The following TBXAS1 variants were observed in gnomAD, a reference collection of about 807,000 sequenced individuals.
TBXAS1 encodes thromboxane-A synthase.
In TBXAS1, 48 loss-of-function variants were observed where a neutral mutation model predicts 60.7. The observed-to-expected ratio is 0.79, with a 90% CI of 0.63 to 1.01. The LOEUF is 1.01. Ranked by LOEUF, TBXAS1 falls within the 50% of genes least tolerant of loss-of-function variation. The pLI, the probability that TBXAS1 is intolerant of heterozygous loss-of-function variation, is 0.00. For synonymous variants in TBXAS1, 287 were observed against 269.7 expected (o/e 1.06, Z -0.63); for missense variants, 685 against 686.3 (o/e 1.00, Z 0.02).
intron 3 of TBXAS1, among the ~76,000 whole-genome samples, chr7:139,884,605 T>C (rs931063826): frequency 1.3e-5 from 2 of 152,000 alleles, no homozygotes; most frequent in Admixed American, 6.6e-5. Flanking sequence ...GGGCAGCGTT[T>C]AAAGAGTAAG....
chr7:140,014,903 T>G, intron 10 of TBXAS1, among the ~76,000 whole-genome samples: 1 of 75,022 alleles, frequency 1.3e-5, no homozygotes, highest in African/African-American at 8.1e-5. Flanking sequence ...AGCAAGACCC[T>G]GTCTCAAAAA....
rs112879260 is a variant in TBXAS1, at chr7:140,014,629, G to C, written c.1227-1094G>C. Reference sequence around the variant, plus strand: ...AGAATGGTAAAGATGATGGACACAGGCCAGGTGCAGTGGCTCATGCCTGTA... The same window carrying C: ...AGAATGGTAAAGATGATGGACACAGCCCAGGTGCAGTGGCTCATGCCTGTA... On this transcript the variant is annotated intron_variant, in intron 10 of 12. Transcript: ENST00000448866. 5.2e-3 allele frequency among the ~76,000 whole-genome samples: 790 copies of C among 152,222 alleles called. 8 individuals are homozygous for C. Among genetic ancestry groups the C allele is most frequent in the African/African-American group, 0.018 (753 of 41,528 alleles).
intron 4 of TBXAS1, among the ~76,000 whole-genome samples, chr7:139,929,156 G>A (rs896152214): frequency 3.9e-5 from 6 of 152,304 alleles, no homozygotes; most frequent in East Asian, 3.9e-4. Flanking sequence ...TTTTGGTGCC[G>A]CAAAAGAAAT....
chr7:139,789,275 G>C (rs927503387), intron 4 of TBXAS1: 2 of 148,732 alleles, frequency 1.3e-5, no homozygotes, highest in Admixed American at 1.3e-4. Context: ...GTCTTGCTCT[G>C]TTGCCCAGGC....
intron 9 of TBXAS1, among the ~76,000 whole-genome samples, chr7:139,996,273 G>T (rs1046070758): frequency 3.9e-5 from 6 of 151,964 alleles, no homozygotes; most frequent in African/African-American, 1.2e-4. Context: ...GCCATCAATG[G>T]TCTCTCTTAG....
chr7:139,814,308 A>T (rs533278243), intron 4 of TBXAS1, among the ~76,000 whole-genome samples: 1 of 152,182 alleles, frequency 6.6e-6, no homozygotes, highest in Non-Finnish European at 1.5e-5. Context: ...TGGGAAAATT[A>T]GCTGGCATGA....
chr7:139,888,248 T>C (rs1803268105), intron 3 of TBXAS1, among the ~76,000 whole-genome samples: 1 of 152,234 alleles, frequency 6.6e-6, no homozygotes, highest in South Asian at 2.1e-4. Context: ...ACAATTTATG[T>C]GTCTGCCTTT....
chr7:139,938,897 T>C (rs1478513821), intron 5 of TBXAS1, among the ~76,000 whole-genome samples: 4 of 152,206 alleles, frequency 2.6e-5, no homozygotes, highest in African/African-American at 9.7e-5. Context: ...TTTATCATGG[T>C]CTAGATTCCT....
At chr7:139,834,636 G>A (rs900383433) in intron 1 of TBXAS1, among the ~76,000 whole-genome samples, 2 of 152,062 alleles carry the variant, frequency 1.3e-5, no homozygotes, top group Admixed American at 6.5e-5. Flanking sequence ...GCAACAGGAG[G>A]TATTACAACT....
At chr7:139,901,747 C>A (rs1056115565) in intron 3 of TBXAS1, among the ~76,000 whole-genome samples, 1 of 151,942 alleles carries the variant, frequency 6.6e-6, no homozygotes, top group Non-Finnish European at 1.5e-5. Flanking sequence ...TTTTGACAAG[C>A]CCTCGAGGCT....
intron 8 of TBXAS1, 29 bp from the exon 9 acceptor site, chr7:139,961,890 A>C (rs1263340859): frequency 6.2e-7 from 1 of 1,614,128 alleles, no homozygotes; most frequent in Admixed American, 1.7e-5. Flanking sequence ...TAAGGTCAAA[A>C]TGTGCATTTT....
chr7:139,900,797 C>A (rs1231633419), intron 3 of TBXAS1, among the ~76,000 whole-genome samples: 1 of 152,214 alleles, frequency 6.6e-6, no homozygotes. Flanking sequence ...TTAATATATT[C>A]TCAGTTTAGC....
At chr7:139,958,128 G>A (rs764703995) in intron 8 of TBXAS1, among the ~76,000 whole-genome samples, 8 of 152,156 alleles carry the variant, frequency 5.3e-5, no homozygotes, top group Non-Finnish European at 1.2e-4. Flanking sequence ...ATTTTCATGA[G>A]CATATTCTTT....
chr7:139,809,259 ATAGATAGATAG>A, intron 4 of TBXAS1, among the ~76,000 whole-genome samples: 1 of 151,764 alleles, frequency 6.6e-6, no homozygotes, highest in East Asian at 1.9e-4. Context: ...AGATAGATAG[ATAGATAGATAG>A]AACCAATAGG....
intron 9 of TBXAS1, among the ~76,000 whole-genome samples, chr7:139,977,948 A>G (rs1811680802): frequency 1.3e-5 from 2 of 152,242 alleles, no homozygotes; most frequent in Non-Finnish European, 2.9e-5. Flanking sequence ...ATCTGATGAA[A>G]GGATCTCAAG....
chr7:139,965,902 T>A (rs1426418448), intron 9 of TBXAS1, among the ~76,000 whole-genome samples: 1 of 151,436 alleles, frequency 6.6e-6, no homozygotes, highest in Non-Finnish European at 1.5e-5. Context: ...TTTTTTTTTT[T>A]ACTATAATCA....
chr7:139,814,954 T>C (rs1798110034), intron 4 of TBXAS1, among the ~76,000 whole-genome samples: 1 of 152,222 alleles, frequency 6.6e-6, no homozygotes, highest in Non-Finnish European at 1.5e-5. Context: ...CACCTGTCTC[T>C]GTGCCTTTCA....
chr7:139,890,207 C>CTTTTTT (rs57305084), intron 3 of TBXAS1, among the ~76,000 whole-genome samples: 6 of 85,602 alleles, frequency 7.0e-5, no homozygotes, highest in African/African-American at 1.9e-4. Context: ...AGGATGCAGT[C>CTTTTTT]TTTTTTTTTT....
At chr7:139,995,995 G>A (rs894874433) in intron 9 of TBXAS1, among the ~76,000 whole-genome samples, 3 of 152,054 alleles carry the variant, frequency 2.0e-5, no homozygotes, top group Non-Finnish European at 4.4e-5. Flanking sequence ...ATATAATGGC[G>A]CGTCTTCTTC....
Sources: gnomAD v4.1 joint callset for allele counts (sites outside exome capture counted in the v4.1 genomes callset) on GRCh38, gnomAD v4.1.1 for gene constraint, MANE v1.5 for transcripts, NCBI Gene and HGNC (gene_info 2026-07-23, HGNC 2026-07-21) for gene names.